The following TNFSF4 variants were observed in gnomAD, a reference collection of about 807,000 sequenced individuals.
The protein encoded by TNFSF4 is tumor necrosis factor ligand superfamily member 4.
Under a neutral mutation model 7.3 loss-of-function variants are expected in TNFSF4, and 4 were observed. That is an observed-to-expected ratio of 0.55 (90% CI 0.27 to 1.25). The LOEUF is 1.25. Among genes scored for constraint, TNFSF4 ranks in the 50% most tolerant of loss-of-function variants. The pLI, the probability that TNFSF4 is intolerant of heterozygous loss-of-function variation, is 0.12. For synonymous variants in TNFSF4, 76 were observed against 83.7 expected, an observed-to-expected ratio of 0.91 and a Z score of 0.50; for missense variants, 181 against 208.8, an observed-to-expected ratio of 0.87 and a Z score of 0.82.
chr1:173,388,376 C>T, the TNFSF4 span, among the ~76,000 whole-genome samples: 2 of 152,190 alleles, frequency 1.3e-5, no homozygotes, highest in Non-Finnish European at 2.9e-5. Context: ...GACACAGTGG[C>T]CCATGCACAA....
intron 1 of TNFSF4, among the ~76,000 whole-genome samples, chr1:173,189,386 T>A (rs1649376049): frequency 6.6e-6 from 1 of 152,160 alleles, no homozygotes; most frequent in African/African-American, 2.4e-5. Context: ...AGTAAAAGCA[T>A]CCTATTTTCA....
the TNFSF4 span, among the ~76,000 whole-genome samples, chr1:173,359,699 A>G: frequency 1.4e-5 from 2 of 143,228 alleles, no homozygotes; most frequent in African/African-American, 5.1e-5. Context: ...AGGATGCTCT[A>G]TCTGTCCTAA....
chr1:173,351,615 G>C, the TNFSF4 span: 5 of 223,830 alleles, frequency 2.2e-5, no homozygotes, highest in South Asian at 8.8e-4. Flanking sequence ...TGAGAACAAA[G>C]ATACAATGTA....
chr1:173,440,708 A>C, the TNFSF4 span: 4 of 152,126 alleles, frequency 2.6e-5, no homozygotes, highest in African/African-American at 9.7e-5. Context: ...TTCTCATTTT[A>C]TTTGCTTGCA....
the TNFSF4 span, among the ~76,000 whole-genome samples, chr1:173,223,984 C>A: frequency 1.2e-4 from 19 of 152,172 alleles, no homozygotes; most frequent in Admixed American, 5.9e-4. Flanking sequence ...AGTAACGCTG[C>A]AAGGACATGC....
At chr1:173,341,603 C>T in the TNFSF4 span, among the ~76,000 whole-genome samples, 31,188 of 152,076 alleles carry the variant, frequency 0.21, 3,490 homozygotes, top group Middle Eastern at 0.27. Flanking sequence ...TAAGAAAGTT[C>T]GTGAGCATTT....
the TNFSF4 span, among the ~76,000 whole-genome samples, chr1:173,393,579 C>G: frequency 3.0e-4 from 46 of 152,356 alleles, no homozygotes; most frequent in East Asian, 8.9e-3. Context: ...CCTTGAGATT[C>G]TGCTACACTT....
the TNFSF4 span, among the ~76,000 whole-genome samples, chr1:173,239,833 C>T: frequency 2.0e-5 from 3 of 152,264 alleles, no homozygotes; most frequent in South Asian, 4.1e-4. Flanking sequence ...GAGTTCGAGA[C>T]TAGCCTGGCC....
At chr1:173,178,901 A>T (rs1648999531), downstream of TNFSF4, among the ~76,000 whole-genome samples, 1 of 152,186 alleles carries the variant, frequency 6.6e-6, no homozygotes, top group African/African-American at 2.4e-5. Context: ...GGCAGACTTG[A>T]CTGTAGAAAG....
At chr1:173,383,381 G>T in the TNFSF4 span, among the ~76,000 whole-genome samples, 33 of 152,114 alleles carry the variant, frequency 2.2e-4, no homozygotes, top group Admixed American at 2.0e-3. Flanking sequence ...ATTTAGTGAG[G>T]TATCATTTAA....
the TNFSF4 span, among the ~76,000 whole-genome samples, chr1:173,238,960 C>A: frequency 1.3e-5 from 2 of 152,172 alleles, no homozygotes; most frequent in African/African-American, 2.4e-5. Flanking sequence ...CATTCTAATT[C>A]AAACTCCAAT....
chr1:173,405,017 C>T, the TNFSF4 span, among the ~76,000 whole-genome samples: 10 of 152,300 alleles, frequency 6.6e-5, no homozygotes, highest in East Asian at 1.2e-3. Flanking sequence ...TCTTGCCTCA[C>T]ATTTATCACA....
At chr1:173,237,304 C>A in the TNFSF4 span, among the ~76,000 whole-genome samples, 1 of 152,104 alleles carries the variant, frequency 6.6e-6, no homozygotes, top group Admixed American at 6.6e-5. Flanking sequence ...ATAAACAGAA[C>A]TAAAGACAAA....
At chr1:173,174,040 T>C in the TNFSF4 span, among the ~76,000 whole-genome samples, 15 of 152,342 alleles carry the variant, frequency 9.8e-5, no homozygotes, top group East Asian at 2.3e-3. Context: ...CTCTGCTTCC[T>C]CTTGAATGCT....
At chr1:173,322,239 C>T in the TNFSF4 span, among the ~76,000 whole-genome samples, 22 of 152,256 alleles carry the variant, frequency 1.4e-4, no homozygotes, top group African/African-American at 5.3e-4. Context: ...ATGACATATT[C>T]TCACTCATAA....
chr1:173,178,451 G>A, the TNFSF4 span, among the ~76,000 whole-genome samples: 37 of 152,272 alleles, frequency 2.4e-4, no homozygotes, highest in African/African-American at 8.4e-4. Context: ...GCTGGCGCCT[G>A]TAGTCCCAGC....
chr1:173,277,852 C>T, the TNFSF4 span, among the ~76,000 whole-genome samples: 1 of 152,106 alleles, frequency 6.6e-6, no homozygotes, highest in African/African-American at 2.4e-5. Context: ...TTACAAAACT[C>T]ATGTTTTTAA....
rs1374133739 is a variant in TNFSF4, at chr1:173,183,919, C to G, written c.*2597G>C. ...ATGATTTGGATCGGGATTGGAATCC[C>G]TTAAGCATTCTCTAAATAGAAAATA... On this transcript the variant is annotated 3_prime_UTR_variant, in exon 3 of 3. Coordinates refer to ENST00000281834, the MANE Select transcript of TNFSF4 (RefSeq NM_003326.5). 1 of 152,162 alleles carries G rather than the reference C, an allele frequency of 6.6e-6. No homozygotes were observed. Among genetic ancestry groups the G allele is most frequent in the Non-Finnish European group, 1.5e-5 (1 of 68,026 alleles). 9.4% of individuals were successfully genotyped at this position (152,162 alleles called of 1,614,324 possible).
rs1427612693 is a variant in TNFSF4 at position 173,207,044 on chromosome 1, G to C, written c.133C>G (p.Leu45Val). 6.2e-7 allele frequency: 1 copy of C among 1,612,706 alleles called. No homozygotes were observed. Among genetic ancestry groups the C allele is most frequent in the South Asian group, 1.1e-5 (1 of 90,900 alleles). Reference sequence around the variant, plus strand: ...CTTACCTGAAGAGCAGAGAAGTGCAGGCAGATGTAGGTGAAGCACAGGAGC... The same window carrying C: ...CTTACCTGAAGAGCAGAGAAGTGCACGCAGATGTAGGTGAAGCACAGGAGC... ...GLLLCFTYICLHFSALQVSHR... is the reference protein window; with the variant it reads ...GLLLCFTYICVHFSALQVSHR... Residue 45 changes from leucine to valine, a missense_variant, in exon 1 of 3, where the codon CTG becomes GTG. Transcript: ENST00000281834.
Sources: allele counts gnomAD v4.1 joint callset (sites outside exome capture counted in the v4.1 genomes callset), GRCh38; gene constraint gnomAD v4.1.1; transcripts MANE v1.5; gene names NCBI Gene and HGNC (gene_info 2026-07-23, HGNC 2026-07-21).